The following BPI variants were observed in gnomAD, a reference collection of about 807,000 sequenced individuals.
BPI encodes bactericidal permeability increasing protein.
Under a neutral mutation model 57.6 loss-of-function variants are expected in BPI, and 48 were observed. The observed-to-expected ratio is 0.83, with a 90% CI of 0.66 to 1.06. The LOEUF is 1.06. Among genes scored for constraint, BPI ranks in the 50% least tolerant of loss-of-function variants. The pLI, the probability that BPI is intolerant of heterozygous loss-of-function variation, is 0.00. For missense variants in BPI, 651 were observed against 609.7 expected (o/e 1.07, Z -0.71); for synonymous variants, 237 against 238.2 (o/e 0.99, Z 0.05).
Position 38,318,496 on chromosome 20 carries a change from C to G in BPI, c.664+20C>G, listed in dbSNP as rs1393168061. ...TGCCAGGTGAGGGCTGGATGAAGAT[C>G]AAGGATAGAAAGGAACAGAAATGGG... is the stretch of plus-strand genomic sequence containing the variant. On this transcript the variant is annotated intron_variant, in intron 6 of 14. Transcript: ENST00000642449. 6.2e-7 allele frequency: 1 copy of G among 1,608,176 alleles called. No homozygotes were observed. Among genetic ancestry groups the G allele is most frequent in the South Asian group, 1.1e-5 (1 of 90,922 alleles).
chr20:38,310,521 A>G lies in BPI; in HGVS notation c.405A>G (p.Ile135Met). ...LKMSGNFDLSIEGMSISADLK... is the reference protein window; with the variant it reads ...LKMSGNFDLSMEGMSISADLK... Reference sequence around the variant, plus strand: ...TGAGCGGCAATTTTGACCTGAGCATAGAAGGCATGTCCATTTCGGCTGATC... The same window carrying G: ...TGAGCGGCAATTTTGACCTGAGCATGGAAGGCATGTCCATTTCGGCTGATC... Residue 135 changes from isoleucine to methionine, a missense_variant, in exon 4 of 15, where the codon ATA (isoleucine) becomes ATG (methionine). By Grantham distance (10) the Ile-to-Met change is conservative. Coordinates refer to ENST00000642449, the MANE Select transcript of BPI (RefSeq NM_001725.3). 2.5e-6 allele frequency: 4 copies of G among 1,614,164 alleles called. No individual in the cohort carries two copies. The highest frequency in any genetic ancestry group is 1.1e-5 in the South Asian group (1 of 91,062).
intron 5 of BPI, among the ~76,000 whole-genome samples, chr20:38,314,995 C>A (rs951618285): frequency 8.4e-6 from 1 of 118,854 alleles, no homozygotes; most frequent in African/African-American, 3.2e-5. Context: ...ATGGTGATAG[C>A]GAGGTTGATG....
At chr20:38,324,911 GC>G (rs1471780779) in intron 9 of BPI, 78 bp downstream of exon 9, 2 of 1,164,480 alleles carry the variant, frequency 1.7e-6, no homozygotes, top group East Asian at 4.7e-5. Context: ...GATGATGAGA[GC>G]CCTCCACCCA....
At chr20:38,324,667 C>A in intron 8 of BPI, 107 bp from the exon 9 acceptor site, 1 of 908,442 alleles carries the variant, frequency 1.1e-6, no homozygotes, top group Non-Finnish European at 1.8e-6. Flanking sequence ...TAGGGGCTGG[C>A]CACTGTCTGT....
rs556181853 is a variant in BPI, at chr20:38,334,886, G to A, written c.1336+393G>A. Among the ~76,000 whole-genome samples the A allele has an allele frequency of 1.9e-4, 29 of 152,268 alleles. 2 individuals carry two copies. In the South Asian group the frequency reaches 5.8e-3, roughly 30 times the overall value. ...CCATGGTCTCTTTCCAACTTTGGAA[G>A]CAGGATGAGGGGGTTCCCTGATAAC... On this transcript the variant is annotated intron_variant, in intron 13 of 14. Coordinates refer to ENST00000642449, the MANE Select transcript of BPI (RefSeq NM_001725.3).
chr20:38,320,400 T>G, intron 7 of BPI, 126 bp downstream of exon 7: 2 of 830,746 alleles, frequency 2.4e-6, no homozygotes. Context: ...CCACCCTCTC[T>G]ACTCTCCCCG....
intron 1 of BPI, among the ~76,000 whole-genome samples, chr20:38,307,043 TA>T (rs1369944380): frequency 1.3e-5 from 2 of 151,774 alleles, no homozygotes; most frequent in Non-Finnish European, 2.9e-5. Flanking sequence ...AAAAAATTTT[TA>T]AAAAGTTAGC....
In BPI at chr20:38,334,463, G is replaced by T. The variant is rs1424782176; in HGVS notation, c.1306G>T (p.Val436Leu). 3 of 1,613,854 alleles carry T rather than the reference G, an allele frequency of 1.9e-6. No homozygotes were observed. Among genetic ancestry groups the T allele is most frequent in the Admixed American group, 3.3e-5 (2 of 59,994 alleles). Residue 436 changes from valine to leucine, a missense_variant, in exon 13 of 15, where the codon GTA becomes TTA. Transcript: ENST00000642449. ...ELLQDIMNYI[V>L]PILVLPRVNE... is the part of the protein sequence containing the mutation. Reference sequence around the variant, plus strand: ...GCTGCAGGATATCATGAACTACATTGTACCCATTCTTGTGCTGCCCAGGGT... The same window carrying T: ...GCTGCAGGATATCATGAACTACATTTTACCCATTCTTGTGCTGCCCAGGGT...
At chr20:38,312,327 C>A (rs1366780360) in intron 5 of BPI, among the ~76,000 whole-genome samples, 1 of 152,234 alleles carries the variant, frequency 6.6e-6, no homozygotes, top group Non-Finnish European at 1.5e-5. Flanking sequence ...GAACAAATGC[C>A]ATTGATGAAG....
At chr20:38,304,452 T>C in intron 1 of BPI, 99 bp downstream of exon 1, 2 of 1,484,682 alleles carry the variant, frequency 1.3e-6, no homozygotes, top group Non-Finnish European at 9.0e-7. Context: ...GGCACACTCA[T>C]AGCACCTCAG....
chr20:38,310,618 A>C lies in BPI; in HGVS notation c.502A>C (p.Ser168Arg), dbSNP rs1404179259. The part of the protein sequence containing the change: ...TCSSCSSHIN[S>R]VHVHISKSKV... ...CTCCAGCTGCAGCAGCCACATCAAC[A>C]GTGTCCACGTGCACATCTCAAAGAG... The change falls in exon 4 of 15, where the codon AGT (serine) becomes CGT (arginine). Residue 168 changes from serine to arginine, a missense_variant. Ser to Arg is a moderately radical substitution (Grantham distance 110, BLOSUM62 -1). Coordinates refer to ENST00000642449, the MANE Select transcript of BPI (RefSeq NM_001725.3). The C allele has an allele frequency of 6.2e-7, 1 of 1,613,926 alleles. No homozygotes were observed. The highest frequency in any genetic ancestry group is 8.5e-7 in the Non-Finnish European group (1 of 1,179,964).
intron 7 of BPI, among the ~76,000 whole-genome samples, chr20:38,320,976 G>GAAT (rs1235198181): frequency 3.7e-5 from 5 of 134,192 alleles, no homozygotes; most frequent in African/African-American, 5.6e-5. Context: ...GTGGATGGAT[G>GAAT]GGTGGGTGGG....
chr20:38,334,190 T>C (rs1409153183), intron 12 of BPI, among the ~76,000 whole-genome samples: 3 of 152,212 alleles, frequency 2.0e-5, no homozygotes, highest in African/African-American at 4.8e-5. Flanking sequence ...CACCTTACAA[T>C]TGAGAACATG....
In BPI at chr20:38,311,895, C is replaced by T; in HGVS notation, c.558C>T (p.His186=). The T allele has an allele frequency of 6.2e-7, 1 of 1,613,922 alleles. No individual in the cohort carries two copies. The highest frequency in any genetic ancestry group is 8.5e-7 in the Non-Finnish European group (1 of 1,179,960). Residue 186 remains histidine, a synonymous_variant, in exon 5 of 15, where the codon CAC becomes CAT. Transcript: ENST00000642449. ...CTAGGTGGCTGATCCAACTCTTCCA[C>T]AAAAAAATTGAGTCTGCGCTTCGAA... is the stretch of plus-strand genomic sequence containing the variant. ...SKVGWLIQLF[H]KKIESALRNK...
intron 4 of BPI, among the ~76,000 whole-genome samples, chr20:38,310,872 C>A (rs181095498): frequency 1.6e-3 from 251 of 152,354 alleles, no homozygotes; most frequent in Non-Finnish European, 3.2e-3. Context: ...GCAGACTTTA[C>A]TGAGCACTTA....
chr20:38,329,012 A>AATAG (rs957209924), intron 11 of BPI, among the ~76,000 whole-genome samples: 26 of 151,398 alleles, frequency 1.7e-4, no homozygotes, highest in East Asian at 1.2e-3. Flanking sequence ...TCTCTAAATA[A>AATAG]ATAAATAAAT....
intron 5 of BPI, chr20:38,317,663 G>A (rs1463793137): frequency 1.3e-6 from 1 of 761,646 alleles, no homozygotes; most frequent in African/African-American, 1.7e-5. Context: ...GATTCTAGTG[G>A]CAAGTTCACA....
At chr20:38,323,824 A>AT in intron 7 of BPI, 46 bp from the exon 8 acceptor site, 1 of 1,582,110 alleles carries the variant, frequency 6.3e-7, no homozygotes, top group Non-Finnish European at 8.6e-7. Flanking sequence ...GTTGACTTAT[A>AT]ATTCCTGAAG....
chr20:38,323,450 C>T (rs369978830), intron 7 of BPI, among the ~76,000 whole-genome samples: 41 of 152,300 alleles, frequency 2.7e-4, no homozygotes, highest in African/African-American at 9.4e-4. Flanking sequence ...CTAAGTTTAC[C>T]GACGAAACAA....
Sources: allele counts gnomAD v4.1 joint callset (sites outside exome capture counted in the v4.1 genomes callset), GRCh38; gene constraint gnomAD v4.1.1; transcripts MANE v1.5; gene names NCBI Gene and HGNC (gene_info 2026-07-23, HGNC 2026-07-21).